Variants in NFIA observed in about 807,000 individuals in gnomAD.
NFIA encodes nuclear factor 1 A-type.
NFIA carries 8 observed loss-of-function variants against 62.8 expected under a neutral mutation model. The ratio of observed to expected loss-of-function variants is 0.13; its 90% CI spans 0.07 to 0.23. The LOEUF is 0.23. Ranked by LOEUF, NFIA falls within the 10% of genes least tolerant of loss-of-function variation. NFIA has a pLI of 1.00. For missense variants in NFIA, 410 were observed against 642.1 expected, an observed-to-expected ratio of 0.64 and a Z score of 3.91; for synonymous variants, 235 against 238.1, an observed-to-expected ratio of 0.99 and a Z score of 0.12.
At chr1:61,143,937 G>A (rs1647731358) in intron 2 of NFIA, among the ~76,000 whole-genome samples, 1 of 152,192 alleles carries the variant, frequency 6.6e-6, no homozygotes, top group African/African-American at 2.4e-5. Context: ...CCTTAATCAT[G>A]AAATGTTTTC....
At chr1:61,204,416 A>G (rs894627670) in intron 2 of NFIA, among the ~76,000 whole-genome samples, 7 of 152,262 alleles carry the variant, frequency 4.6e-5, no homozygotes, top group African/African-American at 1.7e-4. Context: ...GATTTAGAGC[A>G]TGGATGTAAA....
At chr1:61,427,737 G>A (rs953812396) in intron 10 of NFIA, among the ~76,000 whole-genome samples, 11 of 152,176 alleles carry the variant, frequency 7.2e-5, no homozygotes, top group Admixed American at 7.2e-4. Flanking sequence ...TGGGAGGACA[G>A]GGGGAGCTAA....
chr1:61,426,766 A>G (rs1666889107), intron 10 of NFIA, among the ~76,000 whole-genome samples: 1 of 152,128 alleles, frequency 6.6e-6, no homozygotes, highest in African/African-American at 2.4e-5. Flanking sequence ...AGTGGGTAGA[A>G]GAAGAACTGT....
chr1:61,428,880 TG>T (rs1666984080), intron 10 of NFIA, among the ~76,000 whole-genome samples: 1 of 152,178 alleles, frequency 6.6e-6, no homozygotes, highest in Admixed American at 6.5e-5. Context: ...AAAAGTTATC[TG>T]GGAAAACAAA....
chr1:61,198,464 T>A (rs1260302005), intron 2 of NFIA, among the ~76,000 whole-genome samples: 1 of 152,156 alleles, frequency 6.6e-6, no homozygotes, highest in Non-Finnish European at 1.5e-5. Flanking sequence ...GCAAGGGTGA[T>A]TTAGTGTGAA....
intron 2 of NFIA, among the ~76,000 whole-genome samples, chr1:61,192,670 T>C (rs1436299123): frequency 6.6e-6 from 1 of 151,016 alleles, no homozygotes; most frequent in Non-Finnish European, 1.5e-5. Flanking sequence ...GCCATTGCAC[T>C]CCAGCCTGGG....
At chr1:61,158,623 T>C (rs1246881443) in intron 2 of NFIA, among the ~76,000 whole-genome samples, 1 of 152,206 alleles carries the variant, frequency 6.6e-6, no homozygotes, top group East Asian at 1.9e-4. Flanking sequence ...ATGGAAGAGA[T>C]TGATTTGAAA....
chr1:61,204,758 T>A (rs1652783949), intron 2 of NFIA, among the ~76,000 whole-genome samples: 2 of 152,182 alleles, frequency 1.3e-5, no homozygotes, highest in Admixed American at 1.3e-4. Context: ...ACTCAACTGT[T>A]CTTATCTACC....
At chr1:61,283,593 A>AAAAAAGAAAAG (rs1658286276) in intron 3 of NFIA, among the ~76,000 whole-genome samples, 1 of 136,492 alleles carries the variant, frequency 7.3e-6, no homozygotes, top group African/African-American at 2.8e-5. Context: ...AAAAAAAAAA[A>AAAAAAGAAAAG]AAAAAAAAAA....
intron 9 of NFIA, among the ~76,000 whole-genome samples, chr1:61,416,692 T>G (rs1666362782): frequency 1.3e-5 from 2 of 152,144 alleles, no homozygotes; most frequent in Non-Finnish European, 2.9e-5. Flanking sequence ...AATCAAGCAT[T>G]TTGATAGGTA....
intron 2 of NFIA, among the ~76,000 whole-genome samples, chr1:61,197,686 A>G (rs1044237433): frequency 1.3e-5 from 2 of 152,112 alleles, no homozygotes. Flanking sequence ...GCTTGCTTAG[A>G]AACAGCAGAC....
chr1:61,269,161 C>T (rs1010787540), intron 2 of NFIA, among the ~76,000 whole-genome samples: 3 of 149,228 alleles, frequency 2.0e-5, no homozygotes, highest in Admixed American at 6.7e-5. Context: ...TGTAGAAAAC[C>T]GACAAGAAAA....
At position 61,461,093 on chromosome 1, in the gene NFIA, C is replaced by G. The variant is rs916881942; in HGVS notation, c.*5773C>G. 1 of 152,050 alleles carries G rather than the reference C, an allele frequency of 6.6e-6. No homozygotes were observed. The highest frequency in any genetic ancestry group is 6.5e-5 in the Admixed American group (1 of 15,274). The allele number at this position is 152,050 out of a possible 1,614,324, so 9.4% of individuals were successfully genotyped here. ...TCAGTACCTGGCGAGATTTTTGTCT[C>G]AAAACGACTATTTGAATTTCAAGAA... On this transcript the variant is annotated 3_prime_UTR_variant, in exon 11 of 11. Transcript: ENST00000403491.
chr1:61,407,448 TA>T (rs990412589), intron 9 of NFIA, among the ~76,000 whole-genome samples: 39 of 152,218 alleles, frequency 2.6e-4, no homozygotes, highest in African/African-American at 9.1e-4. Context: ...AGAGAGAGAG[TA>T]ATTCTCCAGA....
chr1:61,435,622 T>G (rs1393681669), intron 10 of NFIA, among the ~76,000 whole-genome samples: 4 of 152,100 alleles, frequency 2.6e-5, no homozygotes, highest in African/African-American at 4.8e-5. Flanking sequence ...TGCTAGCAAA[T>G]TTCTTTGTAG....
intron 1 of NFIA, among the ~76,000 whole-genome samples, chr1:61,087,614 A>T (rs996186662): frequency 6.6e-6 from 1 of 152,184 alleles, no homozygotes; most frequent in South Asian, 2.1e-4. Context: ...TCTACATGCA[A>T]TATTTTTAGG....
intron 2 of NFIA, among the ~76,000 whole-genome samples, chr1:61,237,682 GA>G (rs1461097531): frequency 1.3e-5 from 2 of 152,106 alleles, no homozygotes; most frequent in East Asian, 3.8e-4. Context: ...TGGATTTCAA[GA>G]TGCACTATTT....
chr1:61,077,621 T>C, upstream of NFIA: 1 of 1,425,030 alleles, frequency 7.0e-7, no homozygotes, highest in East Asian at 2.5e-5. Flanking sequence ...TCTTTTTACA[T>C]TGCAATGGTA....
intron 3 of NFIA, among the ~76,000 whole-genome samples, chr1:61,297,682 A>C (rs1487885929): frequency 6.6e-6 from 1 of 152,162 alleles, no homozygotes; most frequent in Non-Finnish European, 1.5e-5. Context: ...GCAGTCCTTT[A>C]AGAGCCATAC....
Sources: gnomAD v4.1 joint callset for allele counts (sites outside exome capture counted in the v4.1 genomes callset) on GRCh38, gnomAD v4.1.1 for gene constraint, MANE v1.5 for transcripts, NCBI Gene and HGNC (gene_info 2026-07-23, HGNC 2026-07-21) for gene names.